Variants in WNT9B observed in about 807,000 individuals in gnomAD.
The protein encoded by WNT9B is protein Wnt-9b.
In WNT9B, 12 loss-of-function variants were observed where a neutral mutation model predicts 30.2. That is an observed-to-expected ratio of 0.40 (90% CI 0.26 to 0.64). WNT9B has a LOEUF of 0.64. Among genes scored for constraint, WNT9B ranks in the 30% least tolerant of loss-of-function variants. The probability of loss-of-function intolerance (pLI) is 0.42; values close to 1 mark genes in which losing one functional copy is unlikely to be tolerated. For synonymous variants in WNT9B, 218 were observed against 216.9 expected (o/e 1.01, Z -0.05); for missense variants, 442 against 485.2 (o/e 0.91, Z 0.84).
intron 1 of WNT9B, among the ~76,000 whole-genome samples, chr17:46,860,773 G>A (rs2085024001): frequency 6.6e-6 from 1 of 152,196 alleles, no homozygotes; most frequent in African/African-American, 2.4e-5. Flanking sequence ...TCTGTGCTCA[G>A]CACTTTATGT....
At chr17:46,872,311 C>G (rs570694314) in intron 1 of WNT9B, among the ~76,000 whole-genome samples, 104 of 152,354 alleles carry the variant, frequency 6.8e-4, no homozygotes, top group Middle Eastern at 6.8e-3. Context: ...AGACCGGAAT[C>G]TGGAAAACAG....
Position 46,876,482 on chromosome 17 carries a change from G to A in WNT9B, c.838G>A (p.Asp280Asn). Reference sequence around the variant, plus strand: ...CAAAGGCCTGGCCCCAAGGTCTGGGGACCTGGTGTACATGGAGGACTCACC... The same window carrying A: ...CAAAGGCCTGGCCCCAAGGTCTGGGAACCTGGTGTACATGGAGGACTCACC... Reference protein sequence around the residue: ...LTKGLAPRSGDLVYMEDSPSF... With the variant: ...LTKGLAPRSGNLVYMEDSPSF... Residue 280 changes from aspartate to asparagine, a missense_variant, in exon 4 of 4, where the codon GAC (aspartate) becomes AAC (asparagine). Asp to Asn is a conservative substitution (Grantham distance 23). Transcript: ENST00000290015. 2.5e-6 allele frequency: 4 copies of A among 1,613,678 alleles called. No individual in the cohort carries two copies. The highest frequency in any genetic ancestry group is 2.2e-5 in the South Asian group (2 of 91,090).
At chr17:46,876,118 G>A in intron 3 of WNT9B, 127 bp from the exon 4 acceptor site, 1 of 875,000 alleles carries the variant, frequency 1.1e-6, no homozygotes, top group South Asian at 1.8e-5. Context: ...GGGAGGAGCT[G>A]GGGCTGAGAC....
chr17:46,836,095 C>CACGTGT (rs771533837), intron 1 of WNT9B, among the ~76,000 whole-genome samples: 28 of 126,500 alleles, frequency 2.2e-4, no homozygotes, highest in African/African-American at 7.3e-4. Flanking sequence ...GAGACGCTGA[C>CACGTGT]GTGTGTGTGT....
intron 1 of WNT9B, among the ~76,000 whole-genome samples, chr17:46,869,903 G>A (rs1418793319): frequency 2.0e-5 from 3 of 152,082 alleles, no homozygotes; most frequent in African/African-American, 7.3e-5. Context: ...GGAGGCTGAG[G>A]CAGGAGAATT....
rs957586806 is a variant in WNT9B, at chr17:46,877,964, C to T, written c.*1246C>T. Among the ~76,000 whole-genome samples, 1 of 152,170 alleles carries T rather than the reference C, an allele frequency of 6.6e-6. No individual in the cohort carries two copies. The highest frequency in any genetic ancestry group is 2.4e-5 in the African/African-American group (1 of 41,440). ...GTGACTTTGATAATTTCCTCAGATCCTGTGGACATTTTCAGCAGCACCTGC... is the reference window on the plus strand; with the variant it reads ...GTGACTTTGATAATTTCCTCAGATCTTGTGGACATTTTCAGCAGCACCTGC... On this transcript the variant is annotated 3_prime_UTR_variant, in exon 4 of 4. Coordinates refer to ENST00000290015, the MANE Select transcript of WNT9B (RefSeq NM_003396.3).
chr17:46,872,657 G>C lies in WNT9B; in HGVS notation c.218G>C (p.Gly73Ala). The C allele has an allele frequency of 6.2e-7, 1 of 1,613,732 alleles. No homozygotes were observed. Among genetic ancestry groups the C allele is most frequent in the African/African-American group, 1.3e-5 (1 of 75,060 alleles). The change falls in exon 2 of 4, where the codon GGC becomes GCC. Residue 73 changes from glycine to alanine, a missense_variant. Physicochemically the swap from Gly to Ala is moderately conservative, Grantham distance 60 (BLOSUM62 0). Coordinates refer to ENST00000290015, the MANE Select transcript of WNT9B (RefSeq NM_003396.3). Reference protein sequence around the residue: ...RQKQLCRREPGLAETLRDAAH... With the variant: ...RQKQLCRREPALAETLRDAAH... ...AAGCAGCTCTGCCGGAGGGAGCCCGGCCTGGCTGAGACCCTGAGGGATGCT... is the reference window on the plus strand; with the variant it reads ...AAGCAGCTCTGCCGGAGGGAGCCCGCCCTGGCTGAGACCCTGAGGGATGCT...
downstream of WNT9B, among the ~76,000 whole-genome samples, chr17:46,882,009 C>G (rs561081715): frequency 2.6e-3 from 393 of 152,112 alleles, no homozygotes; most frequent in Non-Finnish European, 4.4e-3. Context: ...ACATTATTTT[C>G]TGGCCAGGCA....
intron 1 of WNT9B, among the ~76,000 whole-genome samples, chr17:46,859,371 TG>T (rs1303193721): frequency 6.6e-6 from 1 of 152,238 alleles, no homozygotes; most frequent in African/African-American, 2.4e-5. Context: ...TGCATATGAA[TG>T]TCCACGTGTT....
In WNT9B at chr17:46,833,471, C is replaced by T. The variant is rs780365229; in HGVS notation, c.95+31C>T. ...TGTTAGGGAGGAAGGGACAGCCAAC[C>T]CACCCCGACTCCCCATCTGGTCACC... On this transcript the variant is annotated intron_variant, in intron 1 of 2. Transcript: ENST00000575372. 1.8e-5 allele frequency: 9 copies of T among 489,924 alleles called. No homozygotes were observed. In the East Asian group the frequency reaches 5.3e-4, roughly 29 times the overall value. The allele number at this position is 489,924 out of a possible 1,614,324, so 30.3% of individuals were successfully genotyped here.
intron 1 of WNT9B, among the ~76,000 whole-genome samples, chr17:46,845,839 A>G (rs2084770700): frequency 7.4e-6 from 1 of 135,330 alleles, no homozygotes; most frequent in African/African-American, 2.8e-5. Context: ...CCTCCAGGCT[A>G]GAGTGCAGTG....
intron 1 of WNT9B, among the ~76,000 whole-genome samples, chr17:46,868,859 A>G (rs1163432858): frequency 6.6e-6 from 1 of 152,208 alleles, no homozygotes; most frequent in Non-Finnish European, 1.5e-5. Context: ...CACACCCAGA[A>G]TTATTCTGGG....
At chr17:46,869,461 C>T (rs2085201019) in intron 1 of WNT9B, among the ~76,000 whole-genome samples, 1 of 152,168 alleles carries the variant, frequency 6.6e-6, no homozygotes. Flanking sequence ...GAGTGCTGGG[C>T]AGCGTCCCTG....
intron 1 of WNT9B, among the ~76,000 whole-genome samples, chr17:46,856,797 T>C (rs1185128172): frequency 6.6e-6 from 1 of 152,238 alleles, no homozygotes; most frequent in Non-Finnish European, 1.5e-5. Flanking sequence ...GCATGCATTT[T>C]AAATTGCACA....
chr17:46,878,997 C>T lies in WNT9B; in HGVS notation c.*2279C>T, dbSNP rs2085388082. On this transcript the variant is annotated 3_prime_UTR_variant, in exon 4 of 4. Coordinates refer to ENST00000290015, the MANE Select transcript of WNT9B (RefSeq NM_003396.3). ...GTTACCCCTGAAGACCCACCTCGGC[C>T]CTCTTGGGGCCCCTGGGGACTAGAG... 6.6e-6 allele frequency among the ~76,000 whole-genome samples: 1 copy of T among 152,172 alleles called. No individual in the cohort carries two copies. The highest frequency in any genetic ancestry group is 2.4e-5 in the African/African-American group (1 of 41,426).
In WNT9B at chr17:46,834,212, A is replaced by G. The variant is rs943022675; in HGVS notation, c.95+772A>G. Among the ~76,000 whole-genome samples the G allele has an allele frequency of 2.0e-5, 3 of 152,178 alleles. No individual in the cohort carries two copies. The East Asian group carries it at 5.8e-4, about 29-fold the overall frequency. ...CCTGTTTCAAAAAATAAAAAAAGAAAATGTCTTACTTCCAGAGGGGCTGAA... is the reference window on the plus strand; with the variant it reads ...CCTGTTTCAAAAAATAAAAAAAGAAGATGTCTTACTTCCAGAGGGGCTGAA... On this transcript the variant is annotated intron_variant, in intron 1 of 2. Transcript: ENST00000575372.
chr17:46,877,359 G>A lies in WNT9B; in HGVS notation c.*641G>A, dbSNP rs1223880687. ...GGACCCGAGTGAGATCTGTGCCCTG[G>A]AGCCCTGTGTCCTTGATTTGGCTTT... On this transcript the variant is annotated 3_prime_UTR_variant, in exon 4 of 4. Transcript: ENST00000290015. 1.3e-5 allele frequency among the ~76,000 whole-genome samples: 2 copies of A among 152,204 alleles called. No individual in the cohort carries two copies. The highest frequency in any genetic ancestry group is 2.9e-5 in the Non-Finnish European group (2 of 68,024).
intron 1 of WNT9B, among the ~76,000 whole-genome samples, chr17:46,834,961 C>T (rs2084608142): frequency 6.6e-6 from 1 of 152,086 alleles, no homozygotes; most frequent in Non-Finnish European, 1.5e-5. Context: ...CCTAGATTGG[C>T]CCTCAGTCTC....
downstream of WNT9B, among the ~76,000 whole-genome samples, chr17:46,881,384 G>T (rs2085420475): frequency 6.6e-6 from 1 of 152,236 alleles, no homozygotes. Flanking sequence ...GCAGCAGCAG[G>T]CTCCAGTTTA....
Sources: allele counts gnomAD v4.1 joint callset (sites outside exome capture counted in the v4.1 genomes callset), GRCh38; gene constraint gnomAD v4.1.1; transcripts MANE v1.5; gene names NCBI Gene and HGNC (gene_info 2026-07-23, HGNC 2026-07-21).